Variants in LRRIQ4 observed in about 807,000 individuals in gnomAD.
LRRIQ4 encodes leucine rich repeats and IQ motif containing 4, also known as leucine-rich repeat and IQ domain-containing protein 4.
Under a neutral mutation model 40.1 loss-of-function variants are expected in LRRIQ4, and 21 were observed. That is an observed-to-expected ratio of 0.52 (90% CI 0.37 to 0.75). The LOEUF (loss-of-function observed/expected upper bound fraction) is 0.75. LRRIQ4 is among the 30% of genes least tolerant of loss of function. The probability of loss-of-function intolerance (pLI) is 0.00; values close to 1 mark genes in which losing one functional copy is unlikely to be tolerated. For missense variants in LRRIQ4, 655 were observed against 660.0 expected (o/e 0.99, Z 0.08); for synonymous variants, 277 against 277.1 (o/e 1.00, Z 0.00).
Position 169,828,863 on chromosome 3 carries a change from GA to G in LRRIQ4, c.1128del (p.Lys376AsnfsTer30). The G allele has an allele frequency of 6.2e-7, 1 of 1,613,908 alleles. No individual in the cohort carries two copies. Among genetic ancestry groups the G allele is most frequent in the Non-Finnish European group, 8.5e-7 (1 of 1,179,872 alleles). On this transcript the variant is annotated frameshift_variant, in exon 3 of 6. Transcript: ENST00000340806. LOFTEE classifies it high-confidence loss of function. ...EEVLSLASLE[K>X]LYIGQDQGFK... ...AAGTCCTTTCTTTAGCGTCTTTAGA[GA>G]AATTATACATTGGGCAAGACCAGGG...
intron 3 of LRRIQ4, among the ~76,000 whole-genome samples, chr3:169,829,751 T>G (rs1256642167): frequency 6.6e-6 from 1 of 152,226 alleles, no homozygotes; most frequent in African/African-American, 2.4e-5. Flanking sequence ...TCCACCTGCC[T>G]CGGCCTCCCA....
intron 2 of LRRIQ4, 139 bp from the exon 3 acceptor site, chr3:169,828,620 T>C (rs964967350): frequency 1.2e-5 from 8 of 664,460 alleles, no homozygotes; most frequent in African/African-American, 1.8e-5. Context: ...AATGCAGATA[T>C]GTGCACAAAT....
At chr3:169,814,265 C>G (rs1779710634) in intron 1 of LRRIQ4, among the ~76,000 whole-genome samples, 1 of 152,096 alleles carries the variant, frequency 6.6e-6, no homozygotes, top group Non-Finnish European at 1.5e-5. Context: ...TCCGGCCGCT[C>G]AGCAGCCAGA....
chr3:169,817,590 C>T (rs528489253), intron 1 of LRRIQ4, among the ~76,000 whole-genome samples: 1 of 152,180 alleles, frequency 6.6e-6, no homozygotes, highest in Non-Finnish European at 1.5e-5. Flanking sequence ...GTAATATTTG[C>T]TTTACATAAC....
At chr3:169,831,306 C>A in intron 4 of LRRIQ4, among the ~76,000 whole-genome samples, 1 of 116,446 alleles carries the variant, frequency 8.6e-6, no homozygotes, top group South Asian at 3.2e-4. Flanking sequence ...CAGAGTCTCG[C>A]TCTGTCGCTC....
At chr3:169,817,129 TTG>T (rs1232508311) in intron 1 of LRRIQ4, among the ~76,000 whole-genome samples, 1 of 152,206 alleles carries the variant, frequency 6.6e-6, no homozygotes, top group Non-Finnish European at 1.5e-5. Context: ...TTTTGTTATG[TTG>T]TGTTTCCATT....
chr3:169,834,230 T>C (rs1261391890), intron 5 of LRRIQ4, among the ~76,000 whole-genome samples: 2 of 151,918 alleles, frequency 1.3e-5, no homozygotes, highest in Admixed American at 6.6e-5. Flanking sequence ...GGCATGGTGG[T>C]GCGTGCCTGT....
At chr3:169,831,530 C>T (rs1414943815) in intron 4 of LRRIQ4, among the ~76,000 whole-genome samples, 1 of 127,780 alleles carries the variant, frequency 7.8e-6, no homozygotes, top group Non-Finnish European at 1.6e-5. Flanking sequence ...TCTTGATCTC[C>T]TGACCTCGTG....
At chr3:169,833,935 A>C (rs1030269007) in intron 5 of LRRIQ4, among the ~76,000 whole-genome samples, 11 of 152,216 alleles carry the variant, frequency 7.2e-5, no homozygotes, top group African/African-American at 2.7e-4. Context: ...TTTATGATAA[A>C]TCTTTTGTAA....
intron 5 of LRRIQ4, among the ~76,000 whole-genome samples, chr3:169,833,857 G>C (rs1203774133): frequency 6.6e-6 from 1 of 152,124 alleles, no homozygotes; most frequent in Non-Finnish European, 1.5e-5. Flanking sequence ...CAGAGTAAGA[G>C]TCAAGTCTTC....
At chr3:169,833,489 A>G (rs2108186232) in intron 5 of LRRIQ4, among the ~76,000 whole-genome samples, 1 of 152,316 alleles carries the variant, frequency 6.6e-6, no homozygotes, top group Non-Finnish European at 1.5e-5. Flanking sequence ...GAATGAAAAA[A>G]GTTTGTATTA....
intron 1 of LRRIQ4, among the ~76,000 whole-genome samples, chr3:169,813,409 C>T (rs1473106303): frequency 6.6e-6 from 1 of 152,134 alleles, no homozygotes; most frequent in Non-Finnish European, 1.5e-5. Flanking sequence ...TCTCATTGTC[C>T]AGATGTGACG....
rs1189216142 is a variant in LRRIQ4 at position 169,822,169 on chromosome 3, TG to T, written c.249del (p.Arg84GlyfsTer10). The T allele has an allele frequency of 6.2e-6, 10 of 1,609,978 alleles. No individual in the cohort carries two copies. The highest frequency in any genetic ancestry group is 1.3e-5 in the African/African-American group (1 of 74,528). ...GTCCTCTACCTGGATAAGAACAACC[TG>T]AGGAGCCTGTGCCCGGCGCTGGGGC... ...IRVLYLDKNN[L>X]RSLCPALGLL... On this transcript the variant is annotated frameshift_variant, in exon 2 of 6. Coordinates refer to ENST00000340806, the MANE Select transcript of LRRIQ4 (RefSeq NM_001080460.3). LOFTEE classifies it high-confidence loss of function.
At position 169,828,827 on chromosome 3, in the gene LRRIQ4, C is replaced by A. The variant is rs749857492; in HGVS notation, c.1089C>A (p.Ser363=). ...GACTAACAGGAAATGAGTTCCTTTCCTTTCCGGAGGAAGTCCTTTCTTTAG... is the reference window on the plus strand; with the variant it reads ...GACTAACAGGAAATGAGTTCCTTTCATTTCCGGAGGAAGTCCTTTCTTTAG... ...ILGLTGNEFL[S]FPEEVLSLAS... The change falls in exon 3 of 6, where the codon TCC becomes TCA. Residue 363 remains serine (S), a synonymous_variant. Transcript: ENST00000340806. The A allele has an allele frequency of 1.9e-6, 3 of 1,613,852 alleles. No individual in the cohort carries two copies. In the Admixed American group the frequency reaches 5.0e-5, roughly 27 times the overall value.
intron 2 of LRRIQ4, among the ~76,000 whole-genome samples, chr3:169,825,068 C>T (rs932845905): frequency 3.0e-4 from 44 of 148,020 alleles, no homozygotes; most frequent in Middle Eastern, 3.3e-3. Flanking sequence ...AGTACAATGG[C>T]GCCATCTCAG....
intron 2 of LRRIQ4, among the ~76,000 whole-genome samples, chr3:169,823,961 A>G (rs543493821): frequency 6.6e-6 from 1 of 152,254 alleles, no homozygotes; most frequent in East Asian, 1.9e-4. Context: ...GCCAATATGG[A>G]TAGATCTCAG....
chr3:169,822,335 T>A lies in LRRIQ4; in HGVS notation c.414T>A (p.Phe138Leu). The A allele has an allele frequency of 6.2e-7, 1 of 1,613,844 alleles. No homozygotes were observed. Among genetic ancestry groups the A allele is most frequent in the Non-Finnish European group, 8.5e-7 (1 of 1,179,830 alleles). Residue 138 changes from phenylalanine (F) to leucine (L), a missense_variant, in exon 2 of 6, where the codon TTT (phenylalanine) becomes TTA (leucine). Transcript: ENST00000340806. ...TGAAGGAAATTCCCGTCGTCATCTT[T>A]AAAAACCTCCACCATCTCGAGCTGC... ...TDLKEIPVVI[F>L]KNLHHLELLG...
At chr3:169,819,206 C>T (rs1243159003) in intron 1 of LRRIQ4, among the ~76,000 whole-genome samples, 1 of 152,116 alleles carries the variant, frequency 6.6e-6, no homozygotes, top group Non-Finnish European at 1.5e-5. Context: ...ATTACTGTGG[C>T]AGAATTACTG....
rs556963223 is a variant in LRRIQ4, at chr3:169,813,210, T to C, written c.-32+164T>C. Among the ~76,000 whole-genome samples, 3 of 152,346 alleles carry C rather than the reference T, an allele frequency of 2.0e-5. No individual in the cohort carries two copies. In the East Asian group the frequency reaches 5.8e-4, roughly 29 times the overall value. On this transcript the variant is annotated intron_variant, in intron 1 of 5. Coordinates refer to ENST00000340806, the MANE Select transcript of LRRIQ4 (RefSeq NM_001080460.3). ...ATTGCCAGGGAGGAAGGCTTTAATCTGGTGCTGCAGCCGAGGAGATCAGTC... is the reference window on the plus strand; with the variant it reads ...ATTGCCAGGGAGGAAGGCTTTAATCCGGTGCTGCAGCCGAGGAGATCAGTC...
Sources: gnomAD v4.1 joint callset for allele counts (sites outside exome capture counted in the v4.1 genomes callset) on GRCh38, gnomAD v4.1.1 for gene constraint, MANE v1.5 for transcripts, NCBI Gene and HGNC (gene_info 2026-07-23, HGNC 2026-07-21) for gene names.